Variants in PALLD observed in about 807,000 individuals in gnomAD.
PALLD encodes the protein palladin.
Under a neutral mutation model 123.5 loss-of-function variants are expected in PALLD, and 61 were observed. The observed-to-expected ratio is 0.49, with a 90% confidence interval of 0.40 to 0.61. The LOEUF (loss-of-function observed/expected upper bound fraction) is 0.61, where lower values mean the gene tolerates loss of function less well. PALLD is among the 20% of genes least tolerant of loss of function. The pLI, the probability that PALLD is intolerant of heterozygous loss-of-function variation, is 0.00. For synonymous variants in PALLD, 465 were observed against 496.4 expected (o/e 0.94, Z 0.84); for missense variants, 1,273 against 1,377.0 (o/e 0.92, Z 1.20).
chr4:168,520,567 AG>A (rs1376412406), intron 2 of PALLD, among the ~76,000 whole-genome samples: 1 of 152,184 alleles, frequency 6.6e-6, no homozygotes, highest in Non-Finnish European at 1.5e-5. Context: ...ATGCCTCTGC[AG>A]TAGCTTACCT....
At chr4:168,762,396 C>T (rs1393223494) in intron 10 of PALLD, among the ~76,000 whole-genome samples, 1 of 152,076 alleles carries the variant, frequency 6.6e-6, no homozygotes, top group Admixed American at 6.5e-5. Flanking sequence ...TTGCCTGAGC[C>T]TGGGAGGTTG....
chr4:168,889,769 G>T lies in PALLD; in HGVS notation c.1965-1153G>T, dbSNP rs565655072. ...TAGAGAACTTGTTAAAACACAGATT[G>T]CTGGGCCCCAACTCTGAATTTGTGA... On this transcript the variant is annotated intron_variant, in intron 10 of 21. Transcript: ENST00000505667. Among the ~76,000 whole-genome samples, 9 of 152,238 alleles carry T rather than the reference G, an allele frequency of 5.9e-5. No homozygotes were observed. The South Asian group carries it at 1.5e-3, about 25-fold the overall frequency.
At chr4:168,561,791 G>C (rs10018556) in intron 2 of PALLD, among the ~76,000 whole-genome samples, 2 of 151,868 alleles carry the variant, frequency 1.3e-5, no homozygotes, top group African/African-American at 2.4e-5. Flanking sequence ...ATTGATATTC[G>C]GGGGAAGTAG....
intron 1 of PALLD, among the ~76,000 whole-genome samples, chr4:168,510,535 G>A (rs1449402822): frequency 1.3e-5 from 2 of 152,102 alleles, no homozygotes; most frequent in Non-Finnish European, 2.9e-5. Context: ...TGTAAGTCTG[G>A]ATGAAGGGTC....
At chr4:168,806,332 G>T (rs1740190725) in intron 10 of PALLD, among the ~76,000 whole-genome samples, 1 of 152,146 alleles carries the variant, frequency 6.6e-6, no homozygotes. Flanking sequence ...CCAAAGTGCT[G>T]GGATTACTGG....
At chr4:168,900,954 A>G (rs6853936) in intron 14 of PALLD, among the ~76,000 whole-genome samples, 103,843 of 152,128 alleles carry the variant, frequency 0.68, 37,117 homozygotes, top group East Asian at 0.96. Flanking sequence ...AAATTCTAAG[A>G]TTATTGATTC....
At chr4:168,720,489 A>G (rs563588017) in intron 10 of PALLD, among the ~76,000 whole-genome samples, 9 of 152,196 alleles carry the variant, frequency 5.9e-5, no homozygotes, top group African/African-American at 9.6e-5. Context: ...GCAGAAAACC[A>G]TTTTTTTCAG....
intron 2 of PALLD, among the ~76,000 whole-genome samples, chr4:168,589,808 T>G (rs534297697): frequency 6.6e-6 from 1 of 152,318 alleles, no homozygotes; most frequent in Non-Finnish European, 1.5e-5. Context: ...AGATTTAAAC[T>G]CTTGAAGGTC....
At chr4:168,591,552 AT>A (rs1168229996) in intron 2 of PALLD, among the ~76,000 whole-genome samples, 1 of 152,214 alleles carries the variant, frequency 6.6e-6, no homozygotes, top group Non-Finnish European at 1.5e-5. Context: ...ATGCTTTCTC[AT>A]CACCGGTAAA....
intron 2 of PALLD, among the ~76,000 whole-genome samples, chr4:168,535,500 C>T (rs1250415991): frequency 6.6e-6 from 1 of 152,200 alleles, no homozygotes; most frequent in Non-Finnish European, 1.5e-5. Context: ...ACCGAACCCA[C>T]ATATCCTAGG....
At chr4:168,701,081 A>C (rs569630065) in intron 8 of PALLD, among the ~76,000 whole-genome samples, 10 of 152,248 alleles carry the variant, frequency 6.6e-5, no homozygotes, top group Non-Finnish European at 1.5e-4. Context: ...TGATGTCTCC[A>C]AAAAAGTTTA....
At chr4:168,612,299 C>A (rs1017146860) in intron 2 of PALLD, among the ~76,000 whole-genome samples, 2 of 151,250 alleles carry the variant, frequency 1.3e-5, no homozygotes, top group Admixed American at 1.3e-4. Context: ...CCAAAATCAT[C>A]TCTTCAACCC....
chr4:168,662,075 G>T (rs2149982755), intron 2 of PALLD, among the ~76,000 whole-genome samples: 1 of 152,112 alleles, frequency 6.6e-6, no homozygotes, highest in East Asian at 1.9e-4. Context: ...TTTTATGGCA[G>T]AAAATAAAAA....
rs146491585 is a variant in PALLD, at chr4:168,693,820, C to G, written c.1501+2528C>G. Among the ~76,000 whole-genome samples the G allele has an allele frequency of 1.4e-3, 214 of 152,270 alleles. 3 individuals carry two copies. The East Asian group carries it at 0.025, about 18-fold the overall frequency. On this transcript the variant is annotated intron_variant, in intron 8 of 21. Transcript: ENST00000505667. ...CCTTTTACAGCGTTAAAATGCTGTG[C>G]TTCAGGAAATCAGCCGTTGGCATGC... is the stretch of plus-strand genomic sequence containing the variant.
intron 2 of PALLD, among the ~76,000 whole-genome samples, chr4:168,623,802 A>G (rs565300770): frequency 6.6e-6 from 1 of 152,368 alleles, no homozygotes; most frequent in East Asian, 1.9e-4. Flanking sequence ...AAATGAGGCT[A>G]CAGCAATTAT....
At chr4:168,558,152 C>T (rs371563133) in intron 2 of PALLD, among the ~76,000 whole-genome samples, 215 of 152,326 alleles carry the variant, frequency 1.4e-3, no homozygotes, top group African/African-American at 4.8e-3. Context: ...CTCACCCCTA[C>T]GGGCTACTGT....
chr4:168,839,909 A>G (rs915008790), intron 10 of PALLD, among the ~76,000 whole-genome samples: 6 of 152,320 alleles, frequency 3.9e-5, no homozygotes, highest in Non-Finnish European at 7.4e-5. Flanking sequence ...AGATCCTGTC[A>G]TTTGACTAGG....
chr4:168,625,327 A>C (rs1775129428), intron 2 of PALLD, among the ~76,000 whole-genome samples: 1 of 151,974 alleles, frequency 6.6e-6, no homozygotes, highest in Admixed American at 6.6e-5. Flanking sequence ...TATTATCATG[A>C]AGTGGTGGTG....
At chr4:168,833,997 CCCCCAAT>C (rs1409360654) in intron 10 of PALLD, among the ~76,000 whole-genome samples, 11 of 148,894 alleles carry the variant, frequency 7.4e-5, no homozygotes, top group Admixed American at 2.7e-4. Flanking sequence ...AACAGTTTTT[CCCCCAAT>C]CCCTAAGCTT....
Sources: allele counts gnomAD v4.1 joint callset (sites outside exome capture counted in the v4.1 genomes callset), GRCh38; gene constraint gnomAD v4.1.1; transcripts MANE v1.5; gene names NCBI Gene and HGNC (gene_info 2026-07-23, HGNC 2026-07-21).